Variants in FRY observed in about 807,000 individuals in gnomAD.
The protein encoded by FRY is protein furry homolog.
In FRY, 128 loss-of-function variants were observed where a neutral mutation model predicts 348.4. The observed-to-expected ratio is 0.37, with a 90% CI of 0.32 to 0.43. The LOEUF (loss-of-function observed/expected upper bound fraction) is 0.43. Ranked by LOEUF, FRY falls within the 20% of genes least tolerant of loss-of-function variation. The pLI is 1.00. For synonymous variants in FRY, 1,370 were observed against 1,374.7 expected, an observed-to-expected ratio of 1.00 and a Z score of 0.08; for missense variants, 2,736 against 3,695.2, an observed-to-expected ratio of 0.74 and a Z score of 6.73.
intron 4 of FRY, among the ~76,000 whole-genome samples, chr13:32,118,176 T>C (rs1259862411): frequency 6.6e-6 from 1 of 152,214 alleles, no homozygotes; most frequent in Non-Finnish European, 1.5e-5. Flanking sequence ...TAATTTCATA[T>C]GTTTAGTCAA....
At chr13:32,236,914 G>A (rs1389635255) in intron 43 of FRY, among the ~76,000 whole-genome samples, 1 of 152,072 alleles carries the variant, frequency 6.6e-6, no homozygotes, top group Admixed American at 6.5e-5. Flanking sequence ...TTTCAGCATA[G>A]ACTTAGAAAT....
intron 36 of FRY, among the ~76,000 whole-genome samples, chr13:32,222,896 A>G (rs376848072): frequency 1.1e-3 from 171 of 152,304 alleles, no homozygotes; most frequent in African/African-American, 4.0e-3. Flanking sequence ...GGTATGGGAT[A>G]TGAGGGGAAA....
chr13:32,251,534 C>A (rs185741004), intron 49 of FRY, among the ~76,000 whole-genome samples: 1 of 151,134 alleles, frequency 6.6e-6, no homozygotes, highest in East Asian at 1.9e-4. Context: ...ATATATACAC[C>A]CCTTGGGATA....
At chr13:32,063,502 C>T (rs1329325475) in intron 1 of FRY, among the ~76,000 whole-genome samples, 1 of 152,224 alleles carries the variant, frequency 6.6e-6, no homozygotes, top group East Asian at 1.9e-4. Flanking sequence ...AACTCACACA[C>T]ATACATATCT....
chr13:32,147,405 A>G lies in FRY; in HGVS notation c.1283+20A>G. The stretch of plus-strand genomic sequence containing the variant: ...TCAGAGGTAAGATTTGGCTTGTGTC[A>G]ATGGTAACCATATCACTCAGCCACT... On this transcript the variant is annotated intron_variant, in intron 12 of 60. Transcript: ENST00000542859. The G allele has an allele frequency of 7.4e-7, 1 of 1,353,198 alleles. No homozygotes were observed. Among genetic ancestry groups the G allele is most frequent in the Non-Finnish European group, 1.1e-6 (1 of 942,216 alleles). The allele number at this position is 1,353,198 out of a possible 1,614,324, so 83.8% of individuals were successfully genotyped here.
rs552684495 is a variant in FRY, at chr13:32,251,633, G to A, written c.7171-245G>A. 3.2e-4 allele frequency among the ~76,000 whole-genome samples: 49 copies of A among 151,538 alleles called. No homozygotes were observed. In the East Asian group the frequency reaches 7.8e-3, roughly 24 times the overall value. Reference sequence around the variant, plus strand: ...ACCCTTAAAAAAAAAGGAAAAACAGGCAAAATTAATTTTAATAATACATGT... The same window carrying A: ...ACCCTTAAAAAAAAAGGAAAAACAGACAAAATTAATTTTAATAATACATGT... On this transcript the variant is annotated intron_variant, in intron 49 of 60. Coordinates refer to ENST00000542859, the MANE Select transcript of FRY (RefSeq NM_023037.3).
At chr13:32,275,367 G>A (rs749698930) in intron 56 of FRY, among the ~76,000 whole-genome samples, 16 of 152,176 alleles carry the variant, frequency 1.1e-4, no homozygotes, top group East Asian at 1.9e-4. Context: ...CAGCCTGGGC[G>A]ACAGAGCGAG....
At chr13:32,192,739 CTT>C (rs71194513) in intron 28 of FRY, among the ~76,000 whole-genome samples, 37 of 99,240 alleles carry the variant, frequency 3.7e-4, no homozygotes, top group South Asian at 7.0e-4. Flanking sequence ...CAGAATGTTA[CTT>C]TTTTTTTTTT....
intron 58 of FRY, among the ~76,000 whole-genome samples, chr13:32,284,890 A>G (rs149064770): frequency 6.3e-4 from 96 of 152,338 alleles, no homozygotes; most frequent in African/African-American, 2.2e-3. Context: ...CCACCTGAGA[A>G]CAGAAGAAAG....
At chr13:32,281,221 G>C (rs1888792270) in intron 58 of FRY, among the ~76,000 whole-genome samples, 1 of 152,190 alleles carries the variant, frequency 6.6e-6, no homozygotes, top group Admixed American at 6.5e-5. Flanking sequence ...ATGTTTTCAA[G>C]TACTGTACAC....
intron 20 of FRY, 125 bp from the exon 21 acceptor site, chr13:32,178,052 A>AT: frequency 1.0e-6 from 1 of 963,690 alleles, no homozygotes; most frequent in South Asian, 1.4e-5. Context: ...GGTGTTTCAG[A>AT]TTCAAAGCCA....
At chr13:32,240,750 AC>A (rs1458623562) in intron 46 of FRY, among the ~76,000 whole-genome samples, 2 of 152,214 alleles carry the variant, frequency 1.3e-5, no homozygotes, top group Non-Finnish European at 2.9e-5. Flanking sequence ...CCTTTGTGAT[AC>A]GCATTCATAG....
rs563897770 is a variant in FRY, at chr13:32,062,561, G to A, written c.71-16273G>A. Among the ~76,000 whole-genome samples the A allele has an allele frequency of 4.6e-5, 7 of 152,184 alleles. No individual in the cohort carries two copies. The South Asian group carries it at 1.2e-3, about 27-fold the overall frequency. ...TACCATCTTAGATTATAAATTTCTG[G>A]TGAGCATGTATTAAGTGAATTTTAT... On this transcript the variant is annotated intron_variant, in intron 1 of 60. Coordinates refer to ENST00000542859, the MANE Select transcript of FRY (RefSeq NM_023037.3).
chr13:32,296,102 T>C lies in FRY; in HGVS notation c.*642T>C, dbSNP rs1038334845. 6 of 153,062 alleles carry C rather than the reference T, an allele frequency of 3.9e-5. No homozygotes were observed. The allele number at this position is 153,062 out of a possible 1,614,324, so 9.5% of individuals were successfully genotyped here. ...GAGCTGCTATGAAGTACCTTTCTTA[T>C]GTTGCTAGGCTACTGTTTCTGAAAG... On this transcript the variant is annotated 3_prime_UTR_variant, in exon 61 of 61. Transcript: ENST00000542859.
intron 17 of FRY, among the ~76,000 whole-genome samples, chr13:32,167,569 T>A (rs1281262630): frequency 6.6e-6 from 1 of 152,242 alleles, no homozygotes; most frequent in Non-Finnish European, 1.5e-5. Flanking sequence ...TGCAATGACC[T>A]CATTTCCAAA....
intron 35 of FRY, among the ~76,000 whole-genome samples, chr13:32,214,819 A>T (rs953429987): frequency 6.6e-6 from 1 of 152,216 alleles, no homozygotes; most frequent in Non-Finnish European, 1.5e-5. Context: ...TGCTGTGTTA[A>T]CACACCTCAG....
intron 1 of FRY, chr13:32,060,974 C>T (rs1025681895): frequency 1.2e-5 from 5 of 427,282 alleles, no homozygotes; most frequent in Non-Finnish European, 2.4e-5. Context: ...AAGGGCCCTG[C>T]ATTGTGGCTG....
intron 2 of FRY, among the ~76,000 whole-genome samples, chr13:32,079,621 T>G (rs752087995): frequency 1.3e-5 from 2 of 152,152 alleles, no homozygotes; most frequent in African/African-American, 2.4e-5. Flanking sequence ...TGGATGTGAG[T>G]GTCTTCAGTT....
intron 1 of FRY, among the ~76,000 whole-genome samples, chr13:32,034,667 C>T (rs1437084753): frequency 6.6e-6 from 1 of 152,180 alleles, no homozygotes; most frequent in East Asian, 1.9e-4. Context: ...CTCAGTTTAA[C>T]CTGGAATGCT....
Sources: gnomAD v4.1 joint callset for allele counts (sites outside exome capture counted in the v4.1 genomes callset) on GRCh38, gnomAD v4.1.1 for gene constraint, MANE v1.5 for transcripts, NCBI Gene and HGNC (gene_info 2026-07-23, HGNC 2026-07-21) for gene names.